SV2B: variants seen among roughly 807,000 people sequenced by gnomAD.
SV2B encodes solute carrier family 22 member B2.
In SV2B, 41 loss-of-function variants were observed where a neutral mutation model predicts 73.9. That is an observed-to-expected ratio of 0.56 (90% confidence interval 0.43 to 0.72). The LOEUF (loss-of-function observed/expected upper bound fraction) is 0.72. Among genes scored for constraint, SV2B ranks in the 30% least tolerant of loss-of-function variants. The probability of loss-of-function intolerance (pLI) is 0.00; values close to 1 mark genes in which losing one functional copy is unlikely to be tolerated. For missense variants in SV2B, 764 were observed against 857.8 expected, an observed-to-expected ratio of 0.89 and a Z score of 1.37; for synonymous variants, 314 against 314.2, an observed-to-expected ratio of 1.00 and a Z score of 0.01.
chr15:91,250,977 C>G (rs1254030273), intron 2 of SV2B, among the ~76,000 whole-genome samples: 1 of 152,036 alleles, frequency 6.6e-6, no homozygotes, highest in Non-Finnish European at 1.5e-5. Flanking sequence ...TATAGAACCA[C>G]AAAAGATTTG....
chr15:91,203,846 C>A (rs1336791878), intron 1 of SV2B, among the ~76,000 whole-genome samples: 1 of 152,184 alleles, frequency 6.6e-6, no homozygotes, highest in Non-Finnish European at 1.5e-5. Flanking sequence ...CTCCTCCCCT[C>A]TCCCCCTCTC....
At chr15:91,250,003 A>G (rs2047420522) in intron 2 of SV2B, among the ~76,000 whole-genome samples, 1 of 152,238 alleles carries the variant, frequency 6.6e-6, no homozygotes, top group Admixed American at 6.5e-5. Flanking sequence ...AATATTTACA[A>G]ACTCATTTTA....
intron 1 of SV2B, among the ~76,000 whole-genome samples, chr15:91,102,723 A>C (rs879737555): frequency 1.3e-5 from 2 of 152,214 alleles, no homozygotes; most frequent in Non-Finnish European, 2.9e-5. Context: ...AGGACTGGGG[A>C]GTGCTGCCAG....
chr15:91,245,410 A>T lies in SV2B; in HGVS notation c.452-6409A>T, dbSNP rs2047183519. ...AAGATTTCTATCGTGTAAATACAGT[A>T]TGTAGTTATACACGTACCAATACAA... On this transcript the variant is annotated intron_variant, in intron 2 of 12. Coordinates refer to ENST00000394232, the MANE Select transcript of SV2B (RefSeq NM_001323032.3). The surrounding 1 kb of genome is among the most constrained non-coding windows in gnomAD (Gnocchi z 4.2). Among the ~76,000 whole-genome samples the T allele has an allele frequency of 1.3e-5, 2 of 152,230 alleles. No individual in the cohort carries two copies. The highest frequency in any genetic ancestry group is 4.8e-5 in the African/African-American group (2 of 41,464).
At chr15:91,152,660 A>G (rs2043349366) in intron 1 of SV2B, among the ~76,000 whole-genome samples, 1 of 152,136 alleles carries the variant, frequency 6.6e-6, no homozygotes, top group Non-Finnish European at 1.5e-5. Context: ...TTGCTTGTCA[A>G]ATTGTGTAAG....
chr15:91,218,803 C>T (rs1310289756), intron 1 of SV2B, among the ~76,000 whole-genome samples: 1 of 152,202 alleles, frequency 6.6e-6, no homozygotes, highest in African/African-American at 2.4e-5. Flanking sequence ...ATGCTACCGA[C>T]TCCTGCTAAA....
At chr15:91,291,956 C>T (rs1243949230) in intron 12 of SV2B, among the ~76,000 whole-genome samples, 1 of 152,130 alleles carries the variant, frequency 6.6e-6, no homozygotes. Flanking sequence ...TTGTGGGCAA[C>T]TGGCAGTCTC....
intron 1 of SV2B, among the ~76,000 whole-genome samples, chr15:91,174,403 A>C (rs149513648): frequency 6.6e-6 from 1 of 152,260 alleles, no homozygotes; most frequent in Non-Finnish European, 1.5e-5. Flanking sequence ...GAGAGTGCTT[A>C]GTAGGTATTC....
Position 91,139,896 on chromosome 15 carries a change from C to G in SV2B, c.-392+39533C>G, listed in dbSNP as rs183391448. On this transcript the variant is annotated intron_variant, in intron 1 of 12. Coordinates refer to ENST00000394232, the MANE Select transcript of SV2B (RefSeq NM_001323032.3). The surrounding 1 kb of genome is among the most constrained non-coding windows in gnomAD (Gnocchi z 5.2). ...GGTAGCCAAGGAAGGGAGGAAGATC[C>G]GGCCACTTTGTTCCTAGAGTTTGGT... Among the ~76,000 whole-genome samples, 2 of 152,166 alleles carry G rather than the reference C, an allele frequency of 1.3e-5. No individual in the cohort carries two copies. The highest frequency in any genetic ancestry group is 2.9e-5 in the Non-Finnish European group (2 of 68,024).
In SV2B at chr15:91,223,256, C is replaced by T. The variant is rs1410531507; in HGVS notation, c.-391-2617C>T. On this transcript the variant is annotated intron_variant, in intron 1 of 12. Transcript: ENST00000394232. This position sits in a 1 kb window ranked among gnomAD's most constrained non-coding sequence, Gnocchi z 4.6. Reference sequence around the variant, plus strand: ...CAAATAAGATCACATTTTGAGGTGCCGGCAGTCAGAACTTCAACATACCTT... The same window carrying T: ...CAAATAAGATCACATTTTGAGGTGCTGGCAGTCAGAACTTCAACATACCTT... Among the ~76,000 whole-genome samples the T allele has an allele frequency of 6.6e-6, 1 of 152,110 alleles. No homozygotes were observed. Among genetic ancestry groups the T allele is most frequent in the Non-Finnish European group, 1.5e-5 (1 of 68,028 alleles).
intron 1 of SV2B, among the ~76,000 whole-genome samples, chr15:91,213,612 A>G (rs933885227): frequency 2.6e-5 from 4 of 151,986 alleles, no homozygotes; most frequent in Non-Finnish European, 4.4e-5. Flanking sequence ...ATCTGTAAAA[A>G]TTTTTACCAT....
At chr15:91,149,696 A>C (rs2043251971) in intron 1 of SV2B, among the ~76,000 whole-genome samples, 1 of 152,144 alleles carries the variant, frequency 6.6e-6, no homozygotes, top group Non-Finnish European at 1.5e-5. Flanking sequence ...AGGTGGTGCT[A>C]TCTGTTGTCC....
chr15:91,138,974 G>A (rs1451984103), intron 1 of SV2B, among the ~76,000 whole-genome samples: 3 of 152,150 alleles, frequency 2.0e-5, no homozygotes, highest in Non-Finnish European at 4.4e-5. Context: ...TATGGATTCT[G>A]TTTCAACAAT....
In SV2B at chr15:91,231,037, CCA is replaced by C. The variant is rs2046553826; in HGVS notation, c.451+4326_451+4327del. 6.6e-6 allele frequency among the ~76,000 whole-genome samples: 1 copy of C among 152,010 alleles called. No homozygotes were observed. Among genetic ancestry groups the C allele is most frequent in the Admixed American group, 6.6e-5 (1 of 15,254 alleles). On this transcript the variant is annotated intron_variant, in intron 2 of 12. Coordinates refer to ENST00000394232, the MANE Select transcript of SV2B (RefSeq NM_001323032.3). The surrounding 1 kb of genome is among the most constrained non-coding windows in gnomAD (Gnocchi z 4.5). ...AATCTGAAGTCTTTCTTCTGAGATT[CCA>C]CAGTTTTTGGTGGTTGATGAGTGAA...
chr15:91,165,208 GC>G (rs2043868661), intron 1 of SV2B, among the ~76,000 whole-genome samples: 1 of 152,098 alleles, frequency 6.6e-6, no homozygotes. Flanking sequence ...GTGGTGGCGA[GC>G]CCCTGTAATC....
chr15:91,211,425 CTCT>C (rs1490919164), intron 1 of SV2B, among the ~76,000 whole-genome samples: 2 of 151,940 alleles, frequency 1.3e-5, no homozygotes, highest in Admixed American at 6.6e-5. Context: ...GTGGCTTAAA[CTCT>C]TCTTCTTCTC....
At chr15:91,244,206 G>A (rs561833295) in intron 2 of SV2B, among the ~76,000 whole-genome samples, 7 of 152,138 alleles carry the variant, frequency 4.6e-5, no homozygotes, top group Non-Finnish European at 7.3e-5. Flanking sequence ...TCACCAGGTT[G>A]GAATGACAAA....
intron 1 of SV2B, among the ~76,000 whole-genome samples, chr15:91,172,691 C>T (rs946601551): frequency 6.6e-6 from 1 of 152,182 alleles, no homozygotes; most frequent in African/African-American, 2.4e-5. Context: ...TCTTTAGGTT[C>T]CCAGCTCTTG....
chr15:91,179,115 A>G (rs948170582), intron 1 of SV2B, among the ~76,000 whole-genome samples: 1 of 152,034 alleles, frequency 6.6e-6, no homozygotes, highest in Non-Finnish European at 1.5e-5. Context: ...TTGGTTTCAA[A>G]GAACATCTTT....
Sources: allele counts gnomAD v4.1 joint callset (sites outside exome capture counted in the v4.1 genomes callset), GRCh38; gene constraint gnomAD v4.1.1; non-coding constraint Gnocchi (gnomAD v3.1); transcripts MANE v1.5; gene names NCBI Gene and HGNC (gene_info 2026-07-23, HGNC 2026-07-21).